The following DLG2 variants were observed in gnomAD, a reference collection of about 807,000 sequenced individuals.
DLG2 encodes the protein discs large MAGUK scaffold protein 2, also known as disks large homolog 2.
DLG2 carries 45 observed loss-of-function variants against 132.5 expected under a neutral mutation model. The ratio of observed to expected loss-of-function variants is 0.34; its 90% CI spans 0.27 to 0.44. DLG2 has a LOEUF of 0.44. Among genes scored for constraint, DLG2 ranks in the 20% least tolerant of loss-of-function variants. DLG2 has a pLI of 1.00. For synonymous variants in DLG2, 424 were observed against 419.6 expected, an observed-to-expected ratio of 1.01 and a Z score of -0.13; for missense variants, 1,045 against 1,196.9, an observed-to-expected ratio of 0.87 and a Z score of 1.87.
chr11:83,712,219 C>T (rs146839225), intron 18 of DLG2, among the ~76,000 whole-genome samples: 186 of 152,250 alleles, frequency 1.2e-3, no homozygotes, highest in African/African-American at 4.4e-3. Flanking sequence ...TGTATGTTCA[C>T]TGCAGCACTA....
At chr11:84,448,991 A>C (rs1046839939) in intron 7 of DLG2, among the ~76,000 whole-genome samples, 8 of 151,948 alleles carry the variant, frequency 5.3e-5, no homozygotes, top group African/African-American at 1.9e-4. Context: ...ACAGAGACCT[A>C]TCTAGCATTT....
chr11:83,900,018 C>T (rs1428437692), intron 15 of DLG2, among the ~76,000 whole-genome samples: 1 of 152,220 alleles, frequency 6.6e-6, no homozygotes, highest in South Asian at 2.1e-4. Flanking sequence ...AAATGAGAAA[C>T]TTGTTGGGAA....
At chr11:84,302,032 G>T (rs1156279831) in intron 7 of DLG2, among the ~76,000 whole-genome samples, 1 of 152,160 alleles carries the variant, frequency 6.6e-6, no homozygotes, top group African/African-American at 2.4e-5. Flanking sequence ...AAAAGGATGA[G>T]TTCACATCCT....
intron 21 of DLG2, among the ~76,000 whole-genome samples, chr11:83,489,519 T>A (rs541116987): frequency 6.6e-6 from 1 of 151,972 alleles, no homozygotes; most frequent in East Asian, 1.9e-4. Context: ...ACCAAACCCA[T>A]CTGTGATACT....
intron 6 of DLG2, among the ~76,000 whole-genome samples, chr11:85,028,794 C>G (rs2060763817): frequency 6.6e-6 from 1 of 152,080 alleles, no homozygotes; most frequent in Non-Finnish European, 1.5e-5. Flanking sequence ...CAGGTCACTG[C>G]TGGGTGGCTG....
chr11:83,510,544 C>G (rs1684694356), intron 21 of DLG2, among the ~76,000 whole-genome samples: 1 of 152,112 alleles, frequency 6.6e-6, no homozygotes, highest in Admixed American at 6.5e-5. Flanking sequence ...GCCTGTAGTC[C>G]CGTTTTAGCA....
At chr11:83,886,016 G>A (rs765697356) in intron 15 of DLG2, among the ~76,000 whole-genome samples, 12 of 152,140 alleles carry the variant, frequency 7.9e-5, no homozygotes, top group Non-Finnish European at 1.5e-4. Context: ...AAAGATCATC[G>A]AGGCTAGGAA....
At chr11:85,069,783 C>G (rs1029214032) in intron 6 of DLG2, among the ~76,000 whole-genome samples, 1 of 152,108 alleles carries the variant, frequency 6.6e-6, no homozygotes, top group Admixed American at 6.6e-5. Flanking sequence ...TACCATTTGA[C>G]CCAGCCATCC....
At chr11:83,868,723 T>A (rs1565417384) in intron 16 of DLG2, among the ~76,000 whole-genome samples, 1 of 150,226 alleles carries the variant, frequency 6.7e-6, no homozygotes, top group Non-Finnish European at 1.5e-5. Context: ...ACTAACAGCT[T>A]AAAAAAAAAA....
intron 6 of DLG2, among the ~76,000 whole-genome samples, chr11:84,597,538 CA>C (rs1277599233): frequency 1.3e-5 from 2 of 152,126 alleles, no homozygotes; most frequent in East Asian, 3.8e-4. Context: ...TGAAAGCATA[CA>C]TATATTCTTC....
intron 11 of DLG2, among the ~76,000 whole-genome samples, chr11:84,037,022 A>T (rs537850124): frequency 1.3e-5 from 2 of 152,270 alleles, no homozygotes; most frequent in Admixed American, 6.5e-5. Flanking sequence ...TGAAATGCTT[A>T]TTATCAGTAA....
At chr11:85,218,696 C>A (rs2082787708) in intron 4 of DLG2, among the ~76,000 whole-genome samples, 1 of 152,132 alleles carries the variant, frequency 6.6e-6, no homozygotes, top group African/African-American at 2.4e-5. Flanking sequence ...ACCATTTGGC[C>A]TAGTAATCCC....
intron 7 of DLG2, among the ~76,000 whole-genome samples, chr11:84,341,123 T>C (rs774030746): frequency 2.8e-4 from 43 of 152,172 alleles, no homozygotes; most frequent in Non-Finnish European, 5.7e-4. Context: ...CTCTATTCCA[T>C]TGCATAGTAG....
intron 21 of DLG2, among the ~76,000 whole-genome samples, chr11:83,501,304 CA>C (rs2139115369): frequency 6.6e-6 from 1 of 151,448 alleles, no homozygotes; most frequent in South Asian, 2.1e-4. Context: ...ACAATGGCCA[CA>C]GTAGGTTACA....
chr11:84,196,920 C>A (rs1172147667), intron 8 of DLG2, among the ~76,000 whole-genome samples: 1 of 151,312 alleles, frequency 6.6e-6, no homozygotes, highest in Non-Finnish European at 1.5e-5. Flanking sequence ...GCCTGTAATC[C>A]CAGCTACAAG....
At chr11:85,079,822 G>C (rs2067011187) in intron 6 of DLG2, among the ~76,000 whole-genome samples, 11 of 152,006 alleles carry the variant, frequency 7.2e-5, no homozygotes, top group Admixed American at 7.2e-4. Context: ...AGTAGAGATG[G>C]GGTTTCACCA....
intron 7 of DLG2, among the ~76,000 whole-genome samples, chr11:84,262,883 T>A (rs896172030): frequency 1.3e-5 from 2 of 152,198 alleles, no homozygotes; most frequent in Admixed American, 1.3e-4. Context: ...CTGCATAGTG[T>A]TCCTATTTTT....
intron 4 of DLG2, among the ~76,000 whole-genome samples, chr11:85,212,994 A>G (rs1317087853): frequency 2.6e-5 from 4 of 152,260 alleles, no homozygotes; most frequent in East Asian, 1.9e-4. Flanking sequence ...TGGAGAATAC[A>G]TATCTGATTT....
At chr11:85,153,831 T>G (rs80069267) in intron 5 of DLG2, among the ~76,000 whole-genome samples, 2,962 of 152,230 alleles carry the variant, frequency 0.019, 57 homozygotes, top group Admixed American at 0.037. Context: ...ATATTGAGGA[T>G]CACATTAAAA....
Sources: gnomAD v4.1 joint callset for allele counts (sites outside exome capture counted in the v4.1 genomes callset) on GRCh38, gnomAD v4.1.1 for gene constraint, MANE v1.5 for transcripts, NCBI Gene and HGNC (gene_info 2026-07-23, HGNC 2026-07-21) for gene names.